NEDD4: variants seen among roughly 807,000 people sequenced by gnomAD.
NEDD4 encodes the protein NEDD4 E3 ubiquitin protein ligase.
In NEDD4, 99 loss-of-function variants were observed where a neutral mutation model predicts 144.9. The ratio of observed to expected loss-of-function variants is 0.68; its 90% CI spans 0.58 to 0.81. NEDD4 has a LOEUF of 0.81. Among genes scored for constraint, NEDD4 ranks in the 30% least tolerant of loss-of-function variants. The probability of loss-of-function intolerance (pLI) is 0.00; values close to 1 mark genes in which losing one functional copy is unlikely to be tolerated. For missense variants in NEDD4, 985 were observed against 1,065.9 expected (o/e 0.92, Z 1.06); for synonymous variants, 318 against 350.6 (o/e 0.91, Z 1.04).
intron 1 of NEDD4, among the ~76,000 whole-genome samples, chr15:55,975,957 G>C (rs2037691839): frequency 6.6e-6 from 1 of 152,112 alleles, no homozygotes; most frequent in Non-Finnish European, 1.5e-5. Flanking sequence ...ACAGAATAGA[G>C]AACCCAGAAG....
At chr15:55,948,729 G>A (rs1309066238) in intron 4 of NEDD4, among the ~76,000 whole-genome samples, 1 of 152,168 alleles carries the variant, frequency 6.6e-6, no homozygotes, top group Non-Finnish European at 1.5e-5. Flanking sequence ...AATAAATGGT[G>A]CTGGGAAAAC....
At chr15:55,892,387 A>T (rs2035600420) in intron 5 of NEDD4, among the ~76,000 whole-genome samples, 1 of 151,834 alleles carries the variant, frequency 6.6e-6, no homozygotes, top group Non-Finnish European at 1.5e-5. Flanking sequence ...GATTATAGAA[A>T]GAATAATTTC....
At chr15:55,867,712 C>G (rs1295685386) in intron 8 of NEDD4, among the ~76,000 whole-genome samples, 1 of 152,142 alleles carries the variant, frequency 6.6e-6, no homozygotes, top group Non-Finnish European at 1.5e-5. Flanking sequence ...GAAGAGAGTT[C>G]TTTGATCACC....
chr15:55,860,790 G>T lies in NEDD4; in HGVS notation c.675-12C>A. 1.2e-6 allele frequency: 2 copies of T among 1,608,770 alleles called. No homozygotes were observed. Among genetic ancestry groups the T allele is most frequent in the Non-Finnish European group, 1.7e-6 (2 of 1,176,136 alleles). On this transcript the variant is annotated splice_polypyrimidine_tract_variant and intron_variant, in intron 9 of 28. Coordinates refer to ENST00000435532, the MANE Select transcript of NEDD4 (RefSeq NM_006154.4). Reference sequence around the variant, plus strand: ...CTGTTAGGTTGTCCCTATATTGGAAGTATAAAAAGCCATCATCCATGTCTT... The same window carrying T: ...CTGTTAGGTTGTCCCTATATTGGAATTATAAAAAGCCATCATCCATGTCTT...
At chr15:55,854,938 A>G (rs2034132492) in intron 12 of NEDD4, among the ~76,000 whole-genome samples, 1 of 152,188 alleles carries the variant, frequency 6.6e-6, no homozygotes, top group African/African-American at 2.4e-5. Flanking sequence ...CCACATATTC[A>G]TTGTATAGAG....
At chr15:55,912,366 G>A (rs1456332754) in intron 5 of NEDD4, among the ~76,000 whole-genome samples, 1 of 151,938 alleles carries the variant, frequency 6.6e-6, no homozygotes, top group Non-Finnish European at 1.5e-5. Flanking sequence ...TAAGACATAA[G>A]TTTATTACAG....
intron 5 of NEDD4, among the ~76,000 whole-genome samples, chr15:55,909,665 C>A (rs530522846): frequency 3.2e-4 from 48 of 152,296 alleles, no homozygotes; most frequent in African/African-American, 1.1e-3. Flanking sequence ...GTCCTGGCTT[C>A]TCCTGGTCTG....
At position 55,954,449 on chromosome 15, in the gene NEDD4, T is replaced by C. The variant is rs1373071176; in HGVS notation, c.120-2860A>G. Among the ~76,000 whole-genome samples the C allele has an allele frequency of 3.3e-5, 5 of 152,194 alleles. No individual in the cohort carries two copies. In the South Asian group the frequency reaches 1.0e-3, roughly 31 times the overall value. ...TATAAATACAAAATGTAAATGTAATTATGTATCTATCCCTAATCTCACCAT... is the reference window on the plus strand; with the variant it reads ...TATAAATACAAAATGTAAATGTAATCATGTATCTATCCCTAATCTCACCAT... On this transcript the variant is annotated intron_variant, in intron 2 of 28. Coordinates refer to ENST00000435532, the MANE Select transcript of NEDD4 (RefSeq NM_006154.4).
intron 5 of NEDD4, 103 bp downstream of exon 5, chr15:55,924,543 C>T: frequency 1.0e-6 from 1 of 998,060 alleles, no homozygotes; most frequent in Non-Finnish European, 1.5e-6. Flanking sequence ...CATAACCACC[C>T]CCAAGCCATC....
At chr15:55,960,676 C>T (rs144452683) in intron 2 of NEDD4, among the ~76,000 whole-genome samples, 2 of 114,250 alleles carry the variant, frequency 1.8e-5, no homozygotes, top group African/African-American at 6.5e-5. Context: ...ATATATCTAT[C>T]CTATTAGTTC....
rs1395735838 is a variant in NEDD4 at position 55,883,300 on chromosome 15, G to GAA, written c.292-9293_292-9292insTT. Among the ~76,000 whole-genome samples, 197 of 152,296 alleles carry GAA rather than the reference G, an allele frequency of 1.3e-3. 1 individual carries two copies. Among genetic ancestry groups the GAA allele is most frequent in the African/African-American group, 4.7e-3 (194 of 41,564 alleles). On this transcript the variant is annotated intron_variant, in intron 5 of 28. Transcript: ENST00000435532. ...GAGTGGCCACGGAGAGACTCTGCCTGTGGAAAGAGAAGGGAAGAGTGGGAA... is the reference window on the plus strand; with the variant it reads ...GAGTGGCCACGGAGAGACTCTGCCTGAATGGAAAGAGAAGGGAAGAGTGGGAA...
chr15:55,941,295 T>C (rs1388195960), intron 4 of NEDD4, among the ~76,000 whole-genome samples: 1 of 152,184 alleles, frequency 6.6e-6, no homozygotes, highest in Admixed American at 6.5e-5. Flanking sequence ...GCTTAGATCA[T>C]TGATTTTGAA....
chr15:55,960,101 C>G (rs564226445), intron 2 of NEDD4, among the ~76,000 whole-genome samples: 1 of 152,266 alleles, frequency 6.6e-6, no homozygotes, highest in South Asian at 2.1e-4. Context: ...CAGATTCAAC[C>G]TACTTGACTT....
At chr15:55,908,731 C>T (rs2036178765) in intron 5 of NEDD4, among the ~76,000 whole-genome samples, 1 of 152,082 alleles carries the variant, frequency 6.6e-6, no homozygotes, top group Non-Finnish European at 1.5e-5. Flanking sequence ...TCTCTAATTC[C>T]TTAATAAAGC....
At chr15:55,865,552 TAA>T (rs34895974) in intron 8 of NEDD4, among the ~76,000 whole-genome samples, 1 of 149,038 alleles carries the variant, frequency 6.7e-6, no homozygotes. Context: ...TAAATAACAT[TAA>T]AAAAAAAAAG....
At chr15:55,893,006 T>C (rs2035621643) in intron 5 of NEDD4, among the ~76,000 whole-genome samples, 1 of 152,176 alleles carries the variant, frequency 6.6e-6, no homozygotes, top group Admixed American at 6.5e-5. Flanking sequence ...TTTGCATATA[T>C]ATCTAAAATA....
chr15:55,858,171 G>A (rs941076925), intron 11 of NEDD4, among the ~76,000 whole-genome samples: 7 of 151,814 alleles, frequency 4.6e-5, no homozygotes, highest in Admixed American at 1.3e-4. Context: ...ATATACACTC[G>A]AGCCCACCTT....
rs948999145 is a variant in NEDD4, at chr15:55,961,027, G to A, written c.119+5446C>T. On this transcript the variant is annotated intron_variant, in intron 2 of 28. Coordinates refer to ENST00000435532, the MANE Select transcript of NEDD4 (RefSeq NM_006154.4). The stretch of plus-strand genomic sequence containing the variant: ...CGTGTCTCACCTGACTGATACACTC[G>A]ACCCTAACTTGTTTGTCAGGATTCT... Among the ~76,000 whole-genome samples, 14 of 152,254 alleles carry A rather than the reference G, an allele frequency of 9.2e-5. No individual in the cohort carries two copies. The East Asian group carries it at 1.5e-3, about 17-fold the overall frequency.
chr15:55,915,863 G>T lies in NEDD4; in HGVS notation c.291+8783C>A, dbSNP rs187503526. 12 of 1,613,878 alleles carry T rather than the reference G, an allele frequency of 7.4e-6. No individual in the cohort carries two copies. In the African/African-American group the frequency reaches 1.5e-4, roughly 20 times the overall value. On this transcript the variant is annotated intron_variant, in intron 5 of 28. Transcript: ENST00000435532. ...TTGTTTTAGATAACCGAAGTCCATT[G>T]ACAGCTGTTGAAAGAAATCCTTTAG...
Sources: allele counts gnomAD v4.1 joint callset (sites outside exome capture counted in the v4.1 genomes callset), GRCh38; gene constraint gnomAD v4.1.1; transcripts MANE v1.5; gene names NCBI Gene and HGNC (gene_info 2026-07-23, HGNC 2026-07-21).